The following MTUS2 variants were observed in gnomAD, a reference collection of about 807,000 sequenced individuals.
The protein encoded by MTUS2 is microtubule associated scaffold protein 2.
A neutral mutation model predicts 114.1 loss-of-function variants in MTUS2; 40 were observed. That is an observed-to-expected ratio of 0.35 (90% confidence interval 0.27 to 0.46). The LOEUF (loss-of-function observed/expected upper bound fraction) is 0.46, where lower values mean the gene tolerates loss of function less well. MTUS2 is among the 20% of genes least tolerant of loss of function. The probability of loss-of-function intolerance (pLI) is 1.00; values close to 1 mark genes in which losing one functional copy is unlikely to be tolerated. For synonymous variants in MTUS2, 688 were observed against 672.0 expected, an observed-to-expected ratio of 1.02 and a Z score of -0.37; for missense variants, 1,679 against 1,705.4, an observed-to-expected ratio of 0.98 and a Z score of 0.27.
intron 4 of MTUS2, among the ~76,000 whole-genome samples, chr13:29,067,494 G>T (rs567182772): frequency 3.9e-5 from 6 of 152,172 alleles, no homozygotes; most frequent in Admixed American, 2.0e-4. Flanking sequence ...AGCAGTTGGT[G>T]ACCTAGTTTT....
chr13:28,947,932 C>A (rs749385421), intron 2 of MTUS2, among the ~76,000 whole-genome samples: 3 of 152,040 alleles, frequency 2.0e-5, no homozygotes, highest in Non-Finnish European at 2.9e-5. Context: ...TTGTGGTTGT[C>A]AATTTCAGTG....
chr13:29,276,310 C>A (rs542442546), intron 5 of MTUS2, among the ~76,000 whole-genome samples: 2 of 152,264 alleles, frequency 1.3e-5, no homozygotes, highest in African/African-American at 2.4e-5. Context: ...TGTAATCATG[C>A]GGAATATATA....
intron 5 of MTUS2, among the ~76,000 whole-genome samples, chr13:29,124,533 A>G (rs1891437786): frequency 6.6e-6 from 1 of 152,164 alleles, no homozygotes; most frequent in Non-Finnish European, 1.5e-5. Flanking sequence ...AATTCCTCAA[A>G]AAATTAAAAG....
intron 4 of MTUS2, among the ~76,000 whole-genome samples, chr13:29,091,596 C>G (rs1317725538): frequency 1.3e-5 from 2 of 152,134 alleles, no homozygotes; most frequent in African/African-American, 4.8e-5. Flanking sequence ...CTCTATAGAT[C>G]TGGAGCCAAT....
chr13:29,408,060 A>C (rs928912079), intron 8 of MTUS2, among the ~76,000 whole-genome samples: 4 of 152,116 alleles, frequency 2.6e-5, no homozygotes, highest in Admixed American at 1.3e-4. Context: ...AATAGTTTCT[A>C]CATATTCTGG....
intron 5 of MTUS2, among the ~76,000 whole-genome samples, chr13:29,180,803 G>A (rs1448367280): frequency 6.6e-6 from 1 of 152,188 alleles, no homozygotes; most frequent in Admixed American, 6.5e-5. Flanking sequence ...GCCTATGAGA[G>A]GGTTGTCCGG....
chr13:29,357,914 C>T (rs1869883479), intron 7 of MTUS2, among the ~76,000 whole-genome samples: 1 of 152,176 alleles, frequency 6.6e-6, no homozygotes, highest in Non-Finnish European at 1.5e-5. Flanking sequence ...CCACTTTCCC[C>T]TTAAAAGATG....
At chr13:28,913,593 G>A (rs893365683) in intron 2 of MTUS2, among the ~76,000 whole-genome samples, 14 of 151,896 alleles carry the variant, frequency 9.2e-5, no homozygotes, top group African/African-American at 3.1e-4. Context: ...TTGTATCTCT[G>A]ATATCTAGTT....
At chr13:28,878,154 C>T (rs1057165619) in intron 2 of MTUS2, among the ~76,000 whole-genome samples, 10 of 151,534 alleles carry the variant, frequency 6.6e-5, no homozygotes, top group South Asian at 2.1e-4. Context: ...GGTGACATTT[C>T]GTCTAATGGC....
rs560864566 is a variant in MTUS2 at position 28,975,416 on chromosome 13, C to T, written c.-242-49041C>T. Among the ~76,000 whole-genome samples, 3 of 152,224 alleles carry T rather than the reference C, an allele frequency of 2.0e-5. No individual in the cohort carries two copies. In the South Asian group the frequency reaches 6.2e-4, roughly 32 times the overall value. On this transcript the variant is annotated intron_variant, in intron 2 of 15. Coordinates refer to ENST00000612955, the MANE Select transcript of MTUS2 (RefSeq NM_001033602.4). ...TTCTCCTGGTCCCGGCTCTGACTCTCCACAGTGGCTTCTTCGGCAGTTTAC... is the reference window on the plus strand; with the variant it reads ...TTCTCCTGGTCCCGGCTCTGACTCTTCACAGTGGCTTCTTCGGCAGTTTAC...
chr13:29,157,239 A>G (rs1302148437), intron 5 of MTUS2, among the ~76,000 whole-genome samples: 2 of 152,110 alleles, frequency 1.3e-5, no homozygotes, highest in African/African-American at 4.8e-5. Flanking sequence ...TAGAAGTGGA[A>G]TTGTTGGGTC....
chr13:28,857,078 T>A (rs1876680042), intron 2 of MTUS2, among the ~76,000 whole-genome samples: 1 of 152,212 alleles, frequency 6.6e-6, no homozygotes, highest in African/African-American at 2.4e-5. Flanking sequence ...TTTGCCTGGT[T>A]TACCTGGCAA....
chr13:29,394,274 G>A (rs549357030), intron 8 of MTUS2, among the ~76,000 whole-genome samples: 13 of 152,246 alleles, frequency 8.5e-5, no homozygotes, highest in African/African-American at 2.2e-4. Context: ...GGGGACAAAA[G>A]TTACAGGCAG....
At chr13:29,190,966 G>T (rs1894422933) in intron 5 of MTUS2, among the ~76,000 whole-genome samples, 2 of 152,094 alleles carry the variant, frequency 1.3e-5, no homozygotes, top group South Asian at 4.1e-4. Context: ...GCCCACATAG[G>T]CATGCTCCTT....
At chr13:28,965,744 A>T (rs1181632838) in intron 2 of MTUS2, among the ~76,000 whole-genome samples, 3 of 152,184 alleles carry the variant, frequency 2.0e-5, no homozygotes, top group Non-Finnish European at 4.4e-5. Context: ...CTGATATTGC[A>T]GCTCAAGTCC....
chr13:28,968,527 G>A (rs902281279), intron 2 of MTUS2, among the ~76,000 whole-genome samples: 2 of 152,228 alleles, frequency 1.3e-5, no homozygotes, highest in East Asian at 1.9e-4. Context: ...ATTTAATAAG[G>A]AATCTAAAGT....
At chr13:28,856,463 G>C (rs1284249169) in intron 2 of MTUS2, among the ~76,000 whole-genome samples, 1 of 152,192 alleles carries the variant, frequency 6.6e-6, no homozygotes, top group Non-Finnish European at 1.5e-5. Flanking sequence ...GTCTCCGAGG[G>C]CCTGGCGCTT....
upstream of MTUS2, chr13:28,820,307 G>T: frequency 6.7e-6 from 1 of 149,394 alleles, no homozygotes; most frequent in South Asian, 2.0e-4. Context: ...GGCGCGGAGC[G>T]GAGCGCAGCC....
chr13:29,254,409 C>T (rs1897228998), intron 5 of MTUS2, among the ~76,000 whole-genome samples: 1 of 152,208 alleles, frequency 6.6e-6, no homozygotes, highest in Non-Finnish European at 1.5e-5. Context: ...AAAATACTTT[C>T]TGCAGGAACA....
Sources: allele counts gnomAD v4.1 joint callset (sites outside exome capture counted in the v4.1 genomes callset), GRCh38; gene constraint gnomAD v4.1.1; transcripts MANE v1.5; gene names NCBI Gene and HGNC (gene_info 2026-07-23, HGNC 2026-07-21).